The following PDE4D variants were observed in gnomAD, a reference collection of about 807,000 sequenced individuals.
PDE4D encodes phosphodiesterase 4D.
PDE4D carries 24 observed loss-of-function variants against 87.4 expected under a neutral mutation model. That is an observed-to-expected ratio of 0.27 (90% confidence interval 0.20 to 0.39). The LOEUF (loss-of-function observed/expected upper bound fraction) is 0.39, where lower values mean the gene tolerates loss of function less well. Among genes scored for constraint, PDE4D ranks in the 10% least tolerant of loss-of-function variants. The probability of loss-of-function intolerance (pLI) is 1.00; values close to 1 mark genes in which losing one functional copy is unlikely to be tolerated. For synonymous variants in PDE4D, 384 were observed against 383.2 expected (o/e 1.00, Z -0.02); for missense variants, 714 against 1,041.0 (o/e 0.69, Z 4.32).
At chr5:60,428,240 C>A (rs1743886790) in intron 1 of PDE4D, among the ~76,000 whole-genome samples, 1 of 151,448 alleles carries the variant, frequency 6.6e-6, no homozygotes, top group African/African-American at 2.4e-5. Flanking sequence ...CTTGAGCAAT[C>A]AAGAAAATTA....
rs1052399590 is a variant in PDE4D, at chr5:60,012,242, T to C, written c.43-23525A>G. The stretch of plus-strand genomic sequence containing the variant: ...GGGCCGAATGAGAAGGAAAAGAAAC[T>C]ATCCTCCCAACAAGAACTGCATGAG... On this transcript the variant is annotated intron_variant, in intron 2 of 16. Coordinates refer to the PDE4D transcript ENST00000502484. Among the ~76,000 whole-genome samples the C allele has an allele frequency of 2.0e-5, 3 of 152,302 alleles. No individual in the cohort carries two copies. The East Asian group carries it at 5.8e-4, about 29-fold the overall frequency.
At position 59,315,235 on chromosome 5, in the gene PDE4D, C is replaced by G. The variant is rs543667780; in HGVS notation, c.456-99267G>C. 2.0e-5 allele frequency among the ~76,000 whole-genome samples: 3 copies of G among 152,248 alleles called. No individual in the cohort carries two copies. The South Asian group carries it at 6.2e-4, about 32-fold the overall frequency. On this transcript the variant is annotated intron_variant, in intron 1 of 14. Coordinates refer to ENST00000340635, the MANE Select transcript of PDE4D (RefSeq NM_001104631.2). ...TTAGCTGAACTGAGGAGCAGAAATTCTGCAATACAGGAATATCTACCTCCC... is the reference window on the plus strand; with the variant it reads ...TTAGCTGAACTGAGGAGCAGAAATTGTGCAATACAGGAATATCTACCTCCC...
At chr5:59,772,956 C>T (rs527777842) in intron 1 of PDE4D, among the ~76,000 whole-genome samples, 9 of 151,990 alleles carry the variant, frequency 5.9e-5, no homozygotes, top group African/African-American at 9.7e-5. Context: ...TGAAATAGGA[C>T]GATAATAATG....
At chr5:59,250,507 G>A (rs1181816137) in intron 1 of PDE4D, among the ~76,000 whole-genome samples, 2 of 146,588 alleles carry the variant, frequency 1.4e-5, no homozygotes, top group Non-Finnish European at 3.0e-5. Flanking sequence ...AAAAAAAAAA[G>A]AAAGAAAGAA....
intron 3 of PDE4D, among the ~76,000 whole-genome samples, chr5:59,916,702 T>G (rs1372788964): frequency 1.3e-5 from 2 of 152,204 alleles, no homozygotes; most frequent in Non-Finnish European, 2.9e-5. Context: ...TTCTAGATAT[T>G]GGCAACATTT....
chr5:60,316,978 G>C (rs1326303712), intron 1 of PDE4D, among the ~76,000 whole-genome samples: 1 of 152,170 alleles, frequency 6.6e-6, no homozygotes, highest in Non-Finnish European at 1.5e-5. Flanking sequence ...CCAGGCTTTG[G>C]TATCAGAATG....
intron 1 of PDE4D, chr5:59,586,377 T>C (rs1470271568): frequency 3.1e-6 from 5 of 1,612,142 alleles, no homozygotes; most frequent in South Asian, 1.1e-5. Flanking sequence ...GTGCATCATG[T>C]TCGCAGATCT....
chr5:59,890,980 C>T (rs1277890373), intron 1 of PDE4D, among the ~76,000 whole-genome samples: 1 of 152,190 alleles, frequency 6.6e-6, no homozygotes, highest in African/African-American at 2.4e-5. Flanking sequence ...GCAAAAGCAA[C>T]TCTATTAAGG....
At chr5:59,579,689 C>T (rs1242368692) in intron 1 of PDE4D, among the ~76,000 whole-genome samples, 1 of 152,190 alleles carries the variant, frequency 6.6e-6, no homozygotes, top group Non-Finnish European at 1.5e-5. Flanking sequence ...GTGAATAGAG[C>T]TGAATTCATC....
intron 2 of PDE4D, among the ~76,000 whole-genome samples, chr5:60,078,916 T>C (rs1033008745): frequency 6.6e-6 from 1 of 152,250 alleles, no homozygotes; most frequent in Non-Finnish European, 1.5e-5. Context: ...ATGGGATTGC[T>C]GGGTCAAATA....
rs140741253 is a variant in PDE4D at position 59,523,810 on chromosome 5, C to A, written c.456-307842G>T. 4.8e-3 allele frequency among the ~76,000 whole-genome samples: 737 copies of A among 152,254 alleles called. 4 individuals carry two copies. The highest frequency in any genetic ancestry group is 9.0e-3 in the Non-Finnish European group (611 of 68,000). ...TGATTAGATCATGGAACAGATTCCC[C>A]CATGCTGTTCTAATAATAGTGAGTG... On this transcript the variant is annotated intron_variant, in intron 1 of 14. Transcript: ENST00000340635.
chr5:59,691,409 T>C (rs1750899629), intron 1 of PDE4D, among the ~76,000 whole-genome samples: 1 of 152,158 alleles, frequency 6.6e-6, no homozygotes, highest in Non-Finnish European at 1.5e-5. Flanking sequence ...GATGAGTTCA[T>C]GTCCTTTGTA....
intron 1 of PDE4D, among the ~76,000 whole-genome samples, chr5:59,733,744 T>C (rs1757704142): frequency 6.6e-6 from 1 of 152,126 alleles, no homozygotes; most frequent in Non-Finnish European, 1.5e-5. Flanking sequence ...TTTTCCTTCC[T>C]CTTTCTTCCC....
chr5:60,388,397 A>T (rs536229381), intron 1 of PDE4D, among the ~76,000 whole-genome samples: 1 of 141,688 alleles, frequency 7.1e-6, no homozygotes, highest in African/African-American at 2.7e-5. Context: ...TATTTTTTCT[A>T]AAAAAAAAAT....
chr5:60,324,960 C>G (rs1299770152), intron 1 of PDE4D, among the ~76,000 whole-genome samples: 1 of 152,118 alleles, frequency 6.6e-6, no homozygotes, highest in Non-Finnish European at 1.5e-5. Flanking sequence ...AACCCAAAAG[C>G]TGGAAGATCC....
intron 1 of PDE4D, among the ~76,000 whole-genome samples, chr5:60,219,492 G>T (rs1398110473): frequency 1.3e-5 from 2 of 152,128 alleles, no homozygotes; most frequent in African/African-American, 4.8e-5. Flanking sequence ...TTCAATACTT[G>T]CTCCACGTCA....
chr5:59,150,443 G>A (rs559102648), intron 5 of PDE4D, among the ~76,000 whole-genome samples: 6 of 152,192 alleles, frequency 3.9e-5, no homozygotes, highest in African/African-American at 1.2e-4. Flanking sequence ...CATATAAAAT[G>A]CTTCAGTTTG....
intron 2 of PDE4D, among the ~76,000 whole-genome samples, chr5:60,172,128 A>ATG (rs1317920375): frequency 4.1e-5 from 6 of 147,128 alleles, no homozygotes; most frequent in African/African-American, 1.5e-4. Flanking sequence ...TTATATATAT[A>ATG]ATATAATATA....
chr5:59,778,884 G>A (rs1273429525), intron 1 of PDE4D, among the ~76,000 whole-genome samples: 1 of 152,174 alleles, frequency 6.6e-6, no homozygotes, highest in African/African-American at 2.4e-5. Context: ...CCTTTTGCTA[G>A]GCCAGTGCAG....
Sources: gnomAD v4.1 joint callset for allele counts (sites outside exome capture counted in the v4.1 genomes callset) on GRCh38, gnomAD v4.1.1 for gene constraint, MANE v1.5 for transcripts, NCBI Gene and HGNC (gene_info 2026-07-23, HGNC 2026-07-21) for gene names.